COL4A2: variants seen among roughly 807,000 people sequenced by gnomAD.
The protein encoded by COL4A2 is collagen alpha-2(IV) chain.
In COL4A2, 99 loss-of-function variants were observed where a neutral mutation model predicts 200.2. The ratio of observed to expected loss-of-function variants is 0.49; its 90% CI spans 0.42 to 0.58. The LOEUF is 0.58. COL4A2 is among the 20% of genes least tolerant of loss of function. The probability of loss-of-function intolerance (pLI) is 0.00; values close to 1 mark genes in which losing one functional copy is unlikely to be tolerated. For synonymous variants in COL4A2, 897 were observed against 900.6 expected (o/e 1.00, Z 0.07); for missense variants, 1,950 against 2,314.1 (o/e 0.84, Z 3.23).
rs527272270 is a variant in COL4A2 at position 110,504,449 on chromosome 13, C to T, written c.4402+185C>T. The stretch of plus-strand genomic sequence containing the variant: ...CTATGCCCAGCAGAACACCTGGCCC[C>T]GAGTCCTGGGACAGCCTCCCTCCTT... On this transcript the variant is annotated intron_variant, in intron 45 of 47. Transcript: ENST00000360467. 7.9e-5 allele frequency among the ~76,000 whole-genome samples: 12 copies of T among 152,300 alleles called. No individual in the cohort carries two copies. In the East Asian group the frequency reaches 2.3e-3, roughly 29 times the overall value.
In COL4A2 at chr13:110,438,562, T is replaced by C. The variant is rs7984937; in HGVS notation, c.862-56T>C. 0.3 allele frequency: 475,877 copies of C among 1,607,394 alleles called. 75,040 individuals carry two copies. The highest frequency in any genetic ancestry group is 0.53 in the African/African-American group (39,963 of 74,710). On this transcript the variant is annotated intron_variant, in intron 14 of 47. Coordinates refer to ENST00000360467, the MANE Select transcript of COL4A2 (RefSeq NM_001846.4). Reference sequence around the variant, plus strand: ...AGCAGAGGATGACACGTGGGCCCTGTTGGCTGGAGGGGCCGCCCCTGGGTT... The same window carrying C: ...AGCAGAGGATGACACGTGGGCCCTGCTGGCTGGAGGGGCCGCCCCTGGGTT...
At position 110,307,780 on chromosome 13, in the gene COL4A2, G is replaced by T; in HGVS notation, c.-44-80G>T. ...GGGCCGCGCACCGCGCTGTCCCCGC[G>T]TCTCGCGGACCGAGACCGGCGGTGA... is the stretch of plus-strand genomic sequence containing the variant. On this transcript the variant is annotated intron_variant, in intron 1 of 47. Coordinates refer to ENST00000360467, the MANE Select transcript of COL4A2 (RefSeq NM_001846.4). The surrounding 1 kb of genome is among the most constrained non-coding windows in gnomAD (Gnocchi z 5.0). The T allele has an allele frequency of 7.5e-7, 1 of 1,339,004 alleles. No individual in the cohort carries two copies. Among genetic ancestry groups the T allele is most frequent in the Non-Finnish European group, 1.0e-6 (1 of 988,746 alleles). 82.9% of individuals were successfully genotyped at this position (1,339,004 alleles called of 1,614,324 possible).
chr13:110,424,633 T>TAAAAAA, intron 4 of COL4A2, 101 bp from the exon 5 acceptor site: 1 of 725,456 alleles, frequency 1.4e-6, no homozygotes, highest in African/African-American at 2.0e-5. Context: ...TTATAGCTCT[T>TAAAAAA]TAAAAACAAA....
chr13:110,373,801 C>G (rs1370418433), intron 4 of COL4A2, among the ~76,000 whole-genome samples: 3 of 152,250 alleles, frequency 2.0e-5, no homozygotes, highest in Admixed American at 2.0e-4. Context: ...GGAGTTGGCT[C>G]CTTTCCGCCT....
At chr13:110,510,771 T>G (rs1241634378) in intron 47 of COL4A2, among the ~76,000 whole-genome samples, 1 of 152,234 alleles carries the variant, frequency 6.6e-6, no homozygotes, top group Non-Finnish European at 1.5e-5. Flanking sequence ...TTGTGCTCCC[T>G]TCTGACCTCG....
intron 3 of COL4A2, among the ~76,000 whole-genome samples, chr13:110,345,070 T>C (rs1189879668): frequency 6.6e-6 from 1 of 152,152 alleles, no homozygotes; most frequent in Non-Finnish European, 1.5e-5. Context: ...CAGAAAAGCC[T>C]GTTCTTAAAA....
At chr13:110,355,128 C>T (rs1027093448) in intron 3 of COL4A2, among the ~76,000 whole-genome samples, 1 of 152,252 alleles carries the variant, frequency 6.6e-6, no homozygotes, top group Non-Finnish European at 1.5e-5. Flanking sequence ...GTTTTACTTG[C>T]ATGATAAGGT....
intron 3 of COL4A2, among the ~76,000 whole-genome samples, chr13:110,314,820 G>A (rs1032322216): frequency 6.6e-6 from 1 of 152,230 alleles, no homozygotes; most frequent in Non-Finnish European, 1.5e-5. Context: ...GCCTGCCTAG[G>A]AAACCCCATG....
intron 28 of COL4A2, among the ~76,000 whole-genome samples, chr13:110,471,869 A>G (rs563547216): frequency 1.3e-5 from 2 of 152,282 alleles, no homozygotes; most frequent in South Asian, 4.1e-4. Flanking sequence ...ATCACCTGCC[A>G]GTCTCATCGT....
At position 110,428,464 on chromosome 13, in the gene COL4A2, C is replaced by T. The variant is rs748760678; in HGVS notation, c.361-3C>T. Reference sequence around the variant, plus strand: ...CTGATTCTCTCACTGCTCTCTTTCCCAGGGACACCCGGGGCAAGGTGGGCC... The same window carrying T: ...CTGATTCTCTCACTGCTCTCTTTCCTAGGGACACCCGGGGCAAGGTGGGCC... On this transcript the variant is annotated splice_polypyrimidine_tract_variant and splice_region_variant and intron_variant, in intron 6 of 47. Coordinates refer to ENST00000360467, the MANE Select transcript of COL4A2 (RefSeq NM_001846.4). 2 of 1,565,298 alleles carry T rather than the reference C, an allele frequency of 1.3e-6. No homozygotes were observed. The highest frequency in any genetic ancestry group is 2.4e-5 in the East Asian group (1 of 40,924).
chr13:110,461,243 T>G (rs941248127), intron 22 of COL4A2, among the ~76,000 whole-genome samples: 3 of 152,254 alleles, frequency 2.0e-5, no homozygotes, highest in African/African-American at 7.2e-5. Flanking sequence ...TCACAAAATT[T>G]TATCCTCCAT....
At chr13:110,416,841 G>T (rs1402997198) in intron 4 of COL4A2, among the ~76,000 whole-genome samples, 1 of 152,222 alleles carries the variant, frequency 6.6e-6, no homozygotes, top group East Asian at 1.9e-4. Flanking sequence ...ATTCGGTCCT[G>T]ACCCACTTTC....
chr13:110,425,058 G>A (rs1214573860), intron 6 of COL4A2, 61 bp downstream of exon 6: 1 of 1,595,778 alleles, frequency 6.3e-7, no homozygotes, highest in Admixed American at 1.7e-5. Flanking sequence ...AATACATTTT[G>A]TGACTTAAAG....
rs190360664 is a variant in COL4A2 at position 110,412,843 on chromosome 13, G to A, written c.181-11891G>A. Among the ~76,000 whole-genome samples, 5 of 152,330 alleles carry A rather than the reference G, an allele frequency of 3.3e-5. No individual in the cohort carries two copies. The East Asian group carries it at 5.8e-4, about 18-fold the overall frequency. The stretch of plus-strand genomic sequence containing the variant: ...ATGTATCTCATCAGATGCTGAGCGC[G>A]GGCCTCACTGGCCCAGCCCTCCTTT... On this transcript the variant is annotated intron_variant, in intron 4 of 47. Coordinates refer to ENST00000360467, the MANE Select transcript of COL4A2 (RefSeq NM_001846.4).
intron 24 of COL4A2, among the ~76,000 whole-genome samples, 164 bp from the exon 25 acceptor site, chr13:110,465,241 C>T (rs1000494748): frequency 8.5e-5 from 13 of 152,236 alleles, no homozygotes; most frequent in African/African-American, 3.1e-4. Context: ...TCACTGGCTC[C>T]TGTGACCTGG....
Position 110,478,013 on chromosome 13 carries a change from G to T in COL4A2, c.2436G>T (p.Gly812=). 2 of 1,567,210 alleles carry T rather than the reference G, an allele frequency of 1.3e-6. No homozygotes were observed. Among genetic ancestry groups the T allele is most frequent in the Non-Finnish European group, 1.7e-6 (2 of 1,153,726 alleles). The change falls in exon 30 of 48, where the codon GGG becomes GGT. Residue 812 remains glycine, a synonymous_variant. Coordinates refer to ENST00000360467, the MANE Select transcript of COL4A2 (RefSeq NM_001846.4). ...CTCTGATTCCTGCAGGAAGCCAAGG[G>T]ATGCCTGGGATGCCAGGGCTGAAGG... ...RGPPGFRGSQ[G]MPGMPGLKGQ... is the part of the protein sequence containing the mutation.
intron 33 of COL4A2, among the ~76,000 whole-genome samples, chr13:110,485,347 C>T (rs1883079200): frequency 6.6e-6 from 1 of 152,000 alleles, no homozygotes; most frequent in Non-Finnish European, 1.5e-5. Flanking sequence ...CACGGTGAAA[C>T]CCCGTCTCTA....
chr13:110,373,891 CT>C (rs1163561785), intron 4 of COL4A2, among the ~76,000 whole-genome samples: 3 of 152,240 alleles, frequency 2.0e-5, no homozygotes, highest in Non-Finnish European at 4.4e-5. Context: ...TTTTTACCCC[CT>C]TTTGGATGCT....
rs569775587 is a variant in COL4A2 at position 110,489,763 on chromosome 13, G to A, written c.3324G>A (p.Glu1108=). Residue 1108 remains glutamate (E), a synonymous_variant, in exon 36 of 48, where the codon GAG becomes GAA. Transcript: ENST00000360467. ...NLPGRPGLKG[E]RGTTGIPGLK... is the part of the protein sequence containing the mutation. Reference sequence around the variant, plus strand: ...CAGGAAGACCAGGCCTGAAGGGGGAGCGGGGCACCACTGGAATACCAGGTA... The same window carrying A: ...CAGGAAGACCAGGCCTGAAGGGGGAACGGGGCACCACTGGAATACCAGGTA... 2 of 1,612,910 alleles carry A rather than the reference G, an allele frequency of 1.2e-6. No individual in the cohort carries two copies. Among genetic ancestry groups the A allele is most frequent in the African/African-American group, 1.3e-5 (1 of 74,980 alleles).
Sources: gnomAD v4.1 joint callset for allele counts (sites outside exome capture counted in the v4.1 genomes callset) on GRCh38, gnomAD v4.1.1 for gene constraint, Gnocchi (gnomAD v3.1) non-coding constraint, MANE v1.5 for transcripts, NCBI Gene and HGNC (gene_info 2026-07-23, HGNC 2026-07-21) for gene names.